The following FOXP1 variants were observed in gnomAD, a reference collection of about 807,000 sequenced individuals.
FOXP1 encodes forkhead box P1.
A neutral mutation model predicts 98.2 loss-of-function variants in FOXP1; 15 were observed. The observed-to-expected ratio is 0.15, with a 90% CI of 0.10 to 0.24. FOXP1 has a LOEUF of 0.24. Ranked by LOEUF, FOXP1 falls within the 10% of genes least tolerant of loss-of-function variation. FOXP1 has a pLI of 1.00. For synonymous variants in FOXP1, 371 were observed against 314.5 expected (o/e 1.18, Z -1.90); for missense variants, 633 against 848.5 (o/e 0.75, Z 3.15).
intron 11 of FOXP1, among the ~76,000 whole-genome samples, chr3:71,021,696 C>G (rs139721066): frequency 1.4e-4 from 21 of 152,156 alleles, no homozygotes; most frequent in Non-Finnish European, 2.2e-4. Flanking sequence ...ATACTTGTTA[C>G]GTATCTTTAT....
In FOXP1 at chr3:71,144,896, T is replaced by C. The variant is rs533091770; in HGVS notation, c.181-32259A>G. On this transcript the variant is annotated intron_variant, in intron 6 of 20. Transcript: ENST00000649528. ...TGATGGAGTCTCTATCACTGTTTTG[T>C]CTTTTCTGAAATGGCATATAAATGG... Among the ~76,000 whole-genome samples the C allele has an allele frequency of 2.0e-5, 3 of 152,354 alleles. No individual in the cohort carries two copies. The East Asian group carries it at 5.8e-4, about 29-fold the overall frequency.
intron 13 of FOXP1, among the ~76,000 whole-genome samples, chr3:70,988,939 T>C (rs1264983836): frequency 6.6e-6 from 1 of 152,016 alleles, no homozygotes; most frequent in East Asian, 1.9e-4. Context: ...TTAGGGAAGA[T>C]GGAGAAGAGA....
rs578059694 is a variant in FOXP1 at position 71,501,004 on chromosome 3, C to T, written c.-297-7449G>A. ...GTCAGGAATTCAAGACCAGCCTGGC[C>T]AACATGGTGAAACCCTGTCTCTACC... On this transcript the variant is annotated intron_variant, in intron 2 of 20. Coordinates refer to ENST00000649528, the MANE Select transcript of FOXP1 (RefSeq NM_001349338.3). Among the ~76,000 whole-genome samples the T allele has an allele frequency of 1.7e-3, 259 of 152,196 alleles. 1 individual carries two copies. Among genetic ancestry groups the T allele is most frequent in the Non-Finnish European group, 3.0e-3 (202 of 68,012 alleles).
intron 5 of FOXP1, among the ~76,000 whole-genome samples, chr3:71,278,447 G>T (rs760125769): frequency 4.6e-5 from 7 of 152,068 alleles, no homozygotes; most frequent in Non-Finnish European, 1.0e-4. Context: ...CCTCCATCCT[G>T]GTGCTTAAAA....
At position 71,145,465 on chromosome 3, in the gene FOXP1, CCGG is replaced by C. The variant is rs1327994920; in HGVS notation, c.181-32831_181-32829del. 7.5e-4 allele frequency among the ~76,000 whole-genome samples: 114 copies of C among 152,238 alleles called. 1 individual carries two copies. Among genetic ancestry groups the C allele is most frequent in the African/African-American group, 2.6e-3 (108 of 41,546 alleles). On this transcript the variant is annotated intron_variant, in intron 6 of 20. Coordinates refer to ENST00000649528, the MANE Select transcript of FOXP1 (RefSeq NM_001349338.3). ...GGCTGAGGCAGAAGAATCGCTTGAA[CCGG>C]AGGGCAGAGGTTGCAATGAGCTGAG...
At chr3:71,348,548 TGC>T (rs1553853162) in intron 4 of FOXP1, among the ~76,000 whole-genome samples, 8 of 132,058 alleles carry the variant, frequency 6.1e-5, no homozygotes, top group African/African-American at 2.1e-4. Flanking sequence ...TGTGTGTGTG[TGC>T]GTGCGCGCGC....
chr3:71,043,574 T>C (rs1007879567), intron 10 of FOXP1, among the ~76,000 whole-genome samples: 13 of 152,192 alleles, frequency 8.5e-5, no homozygotes, highest in Non-Finnish European at 1.5e-5. Context: ...TAGGCTTGTC[T>C]GTTGATGATG....
chr3:71,336,872 T>C (rs1052676010), intron 4 of FOXP1, among the ~76,000 whole-genome samples: 3 of 152,114 alleles, frequency 2.0e-5, no homozygotes, highest in East Asian at 1.9e-4. Context: ...GTGCAGGAGA[T>C]AGAGAAGGCA....
chr3:71,308,162 G>A (rs560553577), intron 4 of FOXP1, among the ~76,000 whole-genome samples: 1 of 151,156 alleles, frequency 6.6e-6, no homozygotes, highest in Non-Finnish European at 1.5e-5. Context: ...AAGATGGGGG[G>A]GCGTAGTTGC....
Position 71,139,444 on chromosome 3 carries a change from G to A in FOXP1, c.181-26807C>T, listed in dbSNP as rs1249013746. Among the ~76,000 whole-genome samples the A allele has an allele frequency of 1.8e-4, 28 of 151,708 alleles. 1 individual carries two copies. Among genetic ancestry groups the A allele is most frequent in the Admixed American group, 1.8e-3 (28 of 15,238 alleles). On this transcript the variant is annotated intron_variant, in intron 6 of 20. Coordinates refer to ENST00000649528, the MANE Select transcript of FOXP1 (RefSeq NM_001349338.3). ...CCTCAATTCTTCCATCACCACATTT[G>A]CTATTAGTGTTTAACCTGCCTTGAA...
chr3:71,557,245 A>G (rs1298217835), intron 2 of FOXP1, among the ~76,000 whole-genome samples: 1 of 152,222 alleles, frequency 6.6e-6, no homozygotes, highest in African/African-American at 2.4e-5. Context: ...GGATGAGAGA[A>G]GAAAAATATT....
intron 2 of FOXP1, chr3:71,572,469 C>T (rs961839143): frequency 6.6e-6 from 1 of 151,410 alleles, no homozygotes; most frequent in Non-Finnish European, 1.5e-5. Context: ...AATCAATAAG[C>T]TATAGCTACA....
intron 5 of FOXP1, among the ~76,000 whole-genome samples, chr3:71,203,945 GAAGGAAGGA>G (rs2063832864): frequency 1.2e-5 from 1 of 85,944 alleles, no homozygotes; most frequent in Non-Finnish European, 2.6e-5. Flanking sequence ...AAGGAGGAAG[GAAGGAAGGA>G]AGGAAGGAAG....
intron 3 of FOXP1, among the ~76,000 whole-genome samples, chr3:71,388,351 T>A (rs926419217): frequency 6.6e-6 from 1 of 152,356 alleles, no homozygotes; most frequent in Non-Finnish European, 1.5e-5. Flanking sequence ...GATGGCTTTC[T>A]ACTAATGAAG....
rs886058825 is a variant in FOXP1, at chr3:70,955,826, ACG to A, written c.*3419_*3420del. The A allele has an allele frequency of 5.1e-4, 115 of 223,910 alleles. 1 individual carries two copies. Among genetic ancestry groups the A allele is most frequent in the African/African-American group, 2.9e-3 (110 of 37,582 alleles). 13.9% of individuals were successfully genotyped at this position (223,910 alleles called of 1,614,324 possible). On this transcript the variant is annotated 3_prime_UTR_variant, in exon 21 of 21. Coordinates refer to ENST00000649528, the MANE Select transcript of FOXP1 (RefSeq NM_001349338.3). Reference sequence around the variant, plus strand: ...TCAAAAAACAGATTAACACACACGCACGCGCGCACACACACACACACACACAC... The same window carrying A: ...TCAAAAAACAGATTAACACACACGCACGCGCACACACACACACACACACAC...
intron 5 of FOXP1, among the ~76,000 whole-genome samples, chr3:71,222,040 C>G (rs2065434386): frequency 6.6e-6 from 1 of 152,312 alleles, no homozygotes; most frequent in South Asian, 2.1e-4. Context: ...GTAGTCCCAG[C>G]TACTCAGGAG....
chr3:71,001,918 AT>A (rs1196486236), intron 12 of FOXP1, among the ~76,000 whole-genome samples: 2 of 152,226 alleles, frequency 1.3e-5, no homozygotes, highest in Non-Finnish European at 2.9e-5. Context: ...CTGTAATGGG[AT>A]ATTTGCCTCA....
intron 3 of FOXP1, among the ~76,000 whole-genome samples, chr3:71,459,177 G>A (rs1319823723): frequency 6.6e-6 from 1 of 152,142 alleles, no homozygotes; most frequent in African/African-American, 2.4e-5. Context: ...AGGAATTAAA[G>A]CTTCTCTTAA....
intron 5 of FOXP1, among the ~76,000 whole-genome samples, chr3:71,217,988 T>C (rs1202018153): frequency 6.6e-6 from 1 of 152,122 alleles, no homozygotes; most frequent in African/African-American, 2.4e-5. Context: ...GTCGACATCC[T>C]CCCCTCCCCT....
Sources: allele counts gnomAD v4.1 joint callset (sites outside exome capture counted in the v4.1 genomes callset), GRCh38; gene constraint gnomAD v4.1.1; transcripts MANE v1.5; gene names NCBI Gene and HGNC (gene_info 2026-07-23, HGNC 2026-07-21).